Variants in RGS8 observed in about 807,000 individuals in gnomAD.
RGS8 encodes the protein regulator of G-protein signaling 8.
In RGS8, 8 loss-of-function variants were observed where a neutral mutation model predicts 21.7. The ratio of observed to expected loss-of-function variants is 0.37; its 90% CI spans 0.22 to 0.66. The LOEUF (loss-of-function observed/expected upper bound fraction) is 0.66, where lower values mean the gene tolerates loss of function less well. Among genes scored for constraint, RGS8 ranks in the 30% least tolerant of loss-of-function variants. The pLI, the probability that RGS8 is intolerant of heterozygous loss-of-function variation, is 0.59. For missense variants in RGS8, 157 were observed against 217.9 expected (o/e 0.72, Z 1.76); for synonymous variants, 80 against 83.6 (o/e 0.96, Z 0.24).
intron 1 of RGS8, among the ~76,000 whole-genome samples, chr1:182,683,260 T>C (rs980124076): frequency 6.6e-6 from 1 of 152,214 alleles, no homozygotes; most frequent in African/African-American, 2.4e-5. Context: ...CACAGGACTC[T>C]CATTCTCAAA....
intron 1 of RGS8, among the ~76,000 whole-genome samples, chr1:182,681,868 C>T (rs371027879): frequency 2.0e-5 from 3 of 152,210 alleles, no homozygotes; most frequent in Admixed American, 6.5e-5. Context: ...TTCTGAGACC[C>T]TCTTCCTTCT....
upstream of RGS8, among the ~76,000 whole-genome samples, chr1:182,686,103 G>A (rs76512435): frequency 0.031 from 4,772 of 152,184 alleles, 105 homozygotes; most frequent in Admixed American, 0.043. Flanking sequence ...AAGCAGAGTC[G>A]ACTGGGCTAG....
the RGS8 span, among the ~76,000 whole-genome samples, chr1:182,739,928 C>T: frequency 6.6e-6 from 1 of 152,224 alleles, no homozygotes; most frequent in African/African-American, 2.4e-5. Context: ...CCTACCCATA[C>T]TGTTTTCCTG....
At chr1:182,706,711 C>T in the RGS8 span, among the ~76,000 whole-genome samples, 2 of 151,910 alleles carry the variant, frequency 1.3e-5, no homozygotes, top group Admixed American at 1.3e-4. Flanking sequence ...AGATATCCAC[C>T]CACCTCAGCC....
At chr1:182,745,417 T>G in the RGS8 span, among the ~76,000 whole-genome samples, 1 of 152,380 alleles carries the variant, frequency 6.6e-6, no homozygotes, top group East Asian at 1.9e-4. Flanking sequence ...CCAGCAAGCC[T>G]GGTACTCTGA....
intron 3 of RGS8, among the ~76,000 whole-genome samples, chr1:182,669,170 C>A (rs893762769): frequency 6.6e-6 from 1 of 152,216 alleles, no homozygotes; most frequent in Non-Finnish European, 1.5e-5. Flanking sequence ...ATCTTTCTAG[C>A]TAAGACCTCA....
At chr1:182,714,959 CA>C in the RGS8 span, among the ~76,000 whole-genome samples, 7 of 152,096 alleles carry the variant, frequency 4.6e-5, no homozygotes, top group Non-Finnish European at 1.0e-4. Context: ...CCTACGCCAT[CA>C]ATACAGAGAG....
chr1:182,711,093 C>A, the RGS8 span, among the ~76,000 whole-genome samples: 697 of 152,310 alleles, frequency 4.6e-3, 6 homozygotes, highest in African/African-American at 0.015. Flanking sequence ...AAGGAGATCA[C>A]ACAAGGACCT....
At chr1:182,739,384 A>G in the RGS8 span, among the ~76,000 whole-genome samples, 1 of 152,196 alleles carries the variant, frequency 6.6e-6, no homozygotes, top group African/African-American at 2.4e-5. Flanking sequence ...GTCATCCCCA[A>G]CAGTGTCACT....
chr1:182,685,655 G>A (rs965981494), upstream of RGS8, among the ~76,000 whole-genome samples: 1 of 152,146 alleles, frequency 6.6e-6, no homozygotes, highest in Non-Finnish European at 1.5e-5. Context: ...CACGACTCTT[G>A]CAGGTCTCCA....
At chr1:182,704,891 G>A in the RGS8 span, among the ~76,000 whole-genome samples, 8 of 152,158 alleles carry the variant, frequency 5.3e-5, no homozygotes, top group Non-Finnish European at 7.4e-5. Flanking sequence ...CACACCACAC[G>A]TGCCCATCTG....
At chr1:182,682,363 C>G (rs1664563736) in intron 1 of RGS8, among the ~76,000 whole-genome samples, 1 of 152,132 alleles carries the variant, frequency 6.6e-6, no homozygotes, top group South Asian at 2.1e-4. Context: ...GAGTGGTGGG[C>G]TTAAAGGTTC....
the RGS8 span, among the ~76,000 whole-genome samples, chr1:182,739,688 G>C: frequency 6.6e-6 from 1 of 152,090 alleles, no homozygotes; most frequent in African/African-American, 2.4e-5. Context: ...AGACAGTGCT[G>C]TTTCCATTCC....
intron 3 of RGS8, among the ~76,000 whole-genome samples, chr1:182,668,969 A>G (rs1302426870): frequency 6.6e-6 from 1 of 152,216 alleles, no homozygotes; most frequent in East Asian, 1.9e-4. Context: ...TAAAACATTC[A>G]GGTCACTGCC....
chr1:182,669,344 T>G (rs1184501929), intron 3 of RGS8, among the ~76,000 whole-genome samples: 1 of 152,206 alleles, frequency 6.6e-6, no homozygotes, highest in Non-Finnish European at 1.5e-5. Flanking sequence ...TACAAGCTCA[T>G]GCACAGTCCC....
upstream of RGS8, among the ~76,000 whole-genome samples, chr1:182,688,199 C>T (rs1473196702): frequency 6.6e-6 from 1 of 152,064 alleles, no homozygotes; most frequent in Non-Finnish European, 1.5e-5. Flanking sequence ...CACCTAATAC[C>T]TTGTCTTGAT....
At chr1:182,729,092 A>G in the RGS8 span, among the ~76,000 whole-genome samples, 2 of 152,272 alleles carry the variant, frequency 1.3e-5, no homozygotes, top group African/African-American at 4.8e-5. Flanking sequence ...GGCTTTCTGC[A>G]TAATCCTTTT....
the RGS8 span, among the ~76,000 whole-genome samples, chr1:182,694,761 T>C: frequency 1.3e-3 from 191 of 145,412 alleles, no homozygotes; most frequent in African/African-American, 4.5e-3. Flanking sequence ...TGAACCGAGA[T>C]AGAGCCACTG....
chr1:182,708,348 C>T, the RGS8 span, among the ~76,000 whole-genome samples: 2 of 152,158 alleles, frequency 1.3e-5, no homozygotes, highest in South Asian at 2.1e-4. Context: ...AGGAAGCCCC[C>T]GCTGGCCCCT....
Sources: gnomAD v4.1 joint callset for allele counts (sites outside exome capture counted in the v4.1 genomes callset) on GRCh38, gnomAD v4.1.1 for gene constraint, MANE v1.5 for transcripts, NCBI Gene and HGNC (gene_info 2026-07-23, HGNC 2026-07-21) for gene names.